Variants in CACNA1I observed in about 807,000 individuals in gnomAD.
The protein encoded by CACNA1I is calcium voltage-gated channel subunit alpha1 I, also known as voltage-dependent T-type calcium channel subunit alpha-1I.
A neutral mutation model predicts 201.6 loss-of-function variants in CACNA1I; 74 were observed. The observed-to-expected ratio is 0.37, with a 90% CI of 0.30 to 0.45. The LOEUF (loss-of-function observed/expected upper bound fraction) is 0.45. Ranked by LOEUF, CACNA1I falls within the 20% of genes least tolerant of loss-of-function variation. The pLI is 1.00. For missense variants in CACNA1I, 2,346 were observed against 3,138.1 expected (o/e 0.75, Z 6.03); for synonymous variants, 1,431 against 1,345.2 (o/e 1.06, Z -1.40).
intron 3 of CACNA1I, among the ~76,000 whole-genome samples, chr22:39,615,719 TTTC>T (rs1180956494): frequency 2.0e-4 from 30 of 152,176 alleles, no homozygotes; most frequent in African/African-American, 7.2e-4. Flanking sequence ...AGCTACTATG[TTTC>T]TTCTTCACTG....
intron 4 of CACNA1I, among the ~76,000 whole-genome samples, chr22:39,631,986 G>A (rs929983782): frequency 1.3e-5 from 2 of 152,044 alleles, no homozygotes; most frequent in African/African-American, 4.8e-5. Flanking sequence ...GCTGTGAAGT[G>A]CGCTGGGGCC....
chr22:39,683,810 A>G (rs1666754167), intron 35 of CACNA1I, among the ~76,000 whole-genome samples: 1 of 149,934 alleles, frequency 6.7e-6, no homozygotes, highest in African/African-American at 2.5e-5. Flanking sequence ...CATCCAGTGT[A>G]GCGCCTGACC....
chr22:39,649,633 T>C lies in CACNA1I; in HGVS notation c.1700T>C (p.Leu567Pro), dbSNP rs1308252758. The change falls in exon 10 of 37, where the codon CTG becomes CCG. Residue 567 changes from leucine to proline, a missense_variant. Around this residue, in one of 13 missense-constraint regions of CACNA1I, gnomAD observed 312 missense variants for 331.5 expected, o/e 0.94. Transcript: ENST00000402142. The surrounding 1 kb of genome is among the most constrained non-coding windows in gnomAD (Gnocchi z 7.3). ...GAGGACGGCCGGCGGCCCTCGGGCC[T>C]GGGCAGCACCGACTCGGGCCAGGAG... ...QHEDGRRPSG[L>P]GSTDSGQEGS... 7 of 1,527,406 alleles carry C rather than the reference T, an allele frequency of 4.6e-6. No individual in the cohort carries two copies. Among genetic ancestry groups the C allele is most frequent in the Non-Finnish European group, 6.2e-6 (7 of 1,135,500 alleles). The allele number at this position is 1,527,406 out of a possible 1,614,324, so 94.6% of individuals were successfully genotyped here. A position where few individuals can be genotyped will look rare whatever the true frequency, so the allele number is the denominator to read the frequency against.
intron 1 of CACNA1I, among the ~76,000 whole-genome samples, chr22:39,597,346 A>G (rs1454873420): frequency 6.6e-6 from 1 of 152,066 alleles, no homozygotes; most frequent in African/African-American, 2.4e-5. Flanking sequence ...AAGGATGGGT[A>G]GGAGTTGGCC....
intron 17 of CACNA1I, 25 bp downstream of exon 17, chr22:39,662,460 G>A: frequency 7.2e-7 from 1 of 1,392,374 alleles, no homozygotes; most frequent in Non-Finnish European, 9.4e-7. Context: ...GGCCGAAGGG[G>A]ACCTGGTGCG....
Position 39,631,001 on chromosome 22 carries a change from C to T in CACNA1I, c.581-3564C>T, listed in dbSNP as rs555741374. ...GGATGGAGGGAGGTGGGGCCAGACT[C>T]GGGAGGAGTCTGTGAGCAGGGGCCA... On this transcript the variant is annotated intron_variant, in intron 4 of 36. Transcript: ENST00000402142. 2.1e-4 allele frequency among the ~76,000 whole-genome samples: 32 copies of T among 151,982 alleles called. 1 individual carries two copies. Among genetic ancestry groups the T allele is most frequent in the Admixed American group, 1.9e-3 (29 of 15,268 alleles).
chr22:39,666,762 C>T lies in CACNA1I; in HGVS notation c.4104+756C>T, dbSNP rs557579128. Among the ~76,000 whole-genome samples the T allele has an allele frequency of 9.2e-5, 14 of 152,336 alleles. No homozygotes were observed. The highest frequency in any genetic ancestry group is 2.9e-4 in the African/African-American group (12 of 41,588). ...ATGGGCAGCCTCCAGCTAGATCCCACTGGAGGGCTTGCCCCACAATGGCAC... is the reference window on the plus strand; with the variant it reads ...ATGGGCAGCCTCCAGCTAGATCCCATTGGAGGGCTTGCCCCACAATGGCAC... On this transcript the variant is annotated intron_variant, in intron 23 of 36. Transcript: ENST00000402142. The surrounding 1 kb of genome is among the most constrained non-coding windows in gnomAD (Gnocchi z 4.1).
At position 39,676,982 on chromosome 22, in the gene CACNA1I, G is replaced by A. The variant is rs1042334021; in HGVS notation, c.4855-359G>A. 1.3e-5 allele frequency among the ~76,000 whole-genome samples: 2 copies of A among 152,206 alleles called. No individual in the cohort carries two copies. Among genetic ancestry groups the A allele is most frequent in the African/African-American group, 4.8e-5 (2 of 41,430 alleles). ...TACCAGTTACTAGCTGTGCGACTCT[G>A]GACAAGTGATGTCACCTCTCAGTCT... is the stretch of plus-strand genomic sequence containing the variant. On this transcript the variant is annotated intron_variant, in intron 29 of 36. Transcript: ENST00000402142. The surrounding 1 kb of genome is among the most constrained non-coding windows in gnomAD (Gnocchi z 4.8).
Position 39,648,992 on chromosome 22 carries a change from C to G in CACNA1I, c.1568-509C>G, listed in dbSNP as rs934336725. Among the ~76,000 whole-genome samples the G allele has an allele frequency of 6.6e-6, 1 of 152,178 alleles. No individual in the cohort carries two copies. The highest frequency in any genetic ancestry group is 2.4e-5 in the African/African-American group (1 of 41,454). On this transcript the variant is annotated intron_variant, in intron 9 of 36. Transcript: ENST00000402142. This position sits in a 1 kb window ranked among gnomAD's most constrained non-coding sequence, Gnocchi z 5.4. Reference sequence around the variant, plus strand: ...GCCCCAGGGCTCCATGCCTCCTCCCCTCCCTGGGAAGCAAACCTCACCCCT... The same window carrying G: ...GCCCCAGGGCTCCATGCCTCCTCCCGTCCCTGGGAAGCAAACCTCACCCCT...
intron 4 of CACNA1I, among the ~76,000 whole-genome samples, chr22:39,621,753 G>A (rs1933750560): frequency 6.6e-6 from 1 of 152,012 alleles, no homozygotes; most frequent in Non-Finnish European, 1.5e-5. Context: ...AGTGAGTAGT[G>A]GGAACCAAAG....
intron 5 of CACNA1I, among the ~76,000 whole-genome samples, chr22:39,636,174 G>A (rs1243704221): frequency 6.6e-6 from 1 of 152,216 alleles, no homozygotes; most frequent in Non-Finnish European, 1.5e-5. Context: ...TAGGCCTGGC[G>A]TGTTGGAGAC....
intron 19 of CACNA1I, 114 bp downstream of exon 19, chr22:39,663,955 C>T (rs1935103624): frequency 3.9e-6 from 6 of 1,544,072 alleles, no homozygotes; most frequent in Non-Finnish European, 5.3e-6. Context: ...GGAAGTTTGC[C>T]TTTGGGGCGG....
intron 5 of CACNA1I, among the ~76,000 whole-genome samples, chr22:39,640,319 G>A (rs1412680544): frequency 6.6e-6 from 1 of 152,176 alleles, no homozygotes; most frequent in East Asian, 1.9e-4. Flanking sequence ...AACCCAGGAG[G>A]TGGAGGTTGC....
intron 3 of CACNA1I, among the ~76,000 whole-genome samples, chr22:39,608,204 C>A (rs191276416): frequency 6.6e-6 from 1 of 151,358 alleles, no homozygotes; most frequent in East Asian, 1.9e-4. Flanking sequence ...GCTGTTTGGG[C>A]GGCAGGAGAA....
At chr22:39,579,012 GCCT>G (rs200727195) in intron 1 of CACNA1I, among the ~76,000 whole-genome samples, 3,369 of 152,250 alleles carry the variant, frequency 0.022, 109 homozygotes, top group African/African-American at 0.076. Context: ...TTCCTCACTA[GCCT>G]CCTCAGCCCT....
intron 4 of CACNA1I, among the ~76,000 whole-genome samples, chr22:39,625,735 G>T (rs1283344755): frequency 6.6e-6 from 1 of 152,060 alleles, no homozygotes; most frequent in Non-Finnish European, 1.5e-5. Context: ...TAGGAGTTGG[G>T]AGTCTGGGTT....
Position 39,659,375 on chromosome 22 carries a change from G to C in CACNA1I, c.2331-58G>C, listed in dbSNP as rs1934925175. ...ACTGAGTTGACTGAGAATGAAACAA[G>C]GTGAGTAGGCAGTTTGGTGCATGTG... On this transcript the variant is annotated intron_variant, in intron 12 of 36. Transcript: ENST00000402142. This position sits in a 1 kb window ranked among gnomAD's most constrained non-coding sequence, Gnocchi z 4.3. The C allele has an allele frequency of 1.7e-6, 2 of 1,183,714 alleles. No homozygotes were observed. Among genetic ancestry groups the C allele is most frequent in the East Asian group, 5.1e-5 (2 of 39,072 alleles). 73.3% of individuals were successfully genotyped at this position (1,183,714 alleles called of 1,614,324 possible).
Position 39,659,436 on chromosome 22 carries a change from C to A in CACNA1I, c.2334C>A (p.Ile778=), listed in dbSNP as rs1373493658. Residue 778 remains isoleucine, a synonymous_variant, in exon 13 of 37, where the codon ATC becomes ATA. Coordinates refer to ENST00000402142, the MANE Select transcript of CACNA1I (RefSeq NM_021096.4). This position sits in a 1 kb window ranked among gnomAD's most constrained non-coding sequence, Gnocchi z 4.3. ...GCCTCTTCCATCCTTTCCCCAGCAT[C>A]CTTGGGATGCATATTTTTGGCTGCA... The part of the protein sequence containing the change: ...LLMLFIFIFS[I]LGMHIFGCKF... 6.4e-7 allele frequency: 1 copy of A among 1,551,890 alleles called. No homozygotes were observed. Among genetic ancestry groups the A allele is most frequent in the South Asian group, 1.2e-5 (1 of 84,732 alleles).
At position 39,665,788 on chromosome 22, in the gene CACNA1I, AAGACAGTCTGAGTAAAC is replaced by A; in HGVS notation, c.3979-92_3979-76del. 1.3e-5 allele frequency: 20 copies of A among 1,577,272 alleles called. No individual in the cohort carries two copies. Among genetic ancestry groups the A allele is most frequent in the Non-Finnish European group, 1.7e-5 (20 of 1,151,718 alleles). ...GACATGGGCCCAGATGACTGAGCACAAGACAGTCTGAGTAAACGCGATCGAGAGGCGAGTTCCTCTCT... is the reference window on the plus strand; with the variant it reads ...GACATGGGCCCAGATGACTGAGCACAGCGATCGAGAGGCGAGTTCCTCTCT... On this transcript the variant is annotated intron_variant, in intron 22 of 36. Transcript: ENST00000402142. This position sits in a 1 kb window ranked among gnomAD's most constrained non-coding sequence, Gnocchi z 5.5.
Sources: gnomAD v4.1 joint callset for allele counts (sites outside exome capture counted in the v4.1 genomes callset) on GRCh38, gnomAD v4.1.1 for gene constraint, gnomAD v4.1.1 regional missense constraint, Gnocchi (gnomAD v3.1) non-coding constraint, MANE v1.5 for transcripts, NCBI Gene and HGNC (gene_info 2026-07-23, HGNC 2026-07-21) for gene names.